Variants in USH1C observed in about 807,000 individuals in gnomAD.
USH1C encodes the protein harmonin.
A neutral mutation model predicts 119.3 loss-of-function variants in USH1C; 90 were observed. The ratio of observed to expected loss-of-function variants is 0.75; its 90% CI spans 0.64 to 0.90. USH1C has a LOEUF of 0.90. USH1C is among the 40% of genes least tolerant of loss of function. USH1C has a pLI of 0.00. For synonymous variants in USH1C, 465 were observed against 443.3 expected, an observed-to-expected ratio of 1.05 and a Z score of -0.62; for missense variants, 1,165 against 1,167.7, an observed-to-expected ratio of 1.00 and a Z score of 0.03.
Position 17,531,002 on chromosome 11 carries a change from A to G in USH1C, c.387+152T>C. The G allele has an allele frequency of 8.1e-7, 1 of 1,232,186 alleles. No homozygotes were observed. The highest frequency in any genetic ancestry group is 2.5e-5 in the East Asian group (1 of 39,470). The allele number at this position is 1,232,186 out of a possible 1,614,324, so 76.3% of individuals were successfully genotyped here. On this transcript the variant is annotated intron_variant, in intron 4 of 26. Transcript: ENST00000005226. This position sits in a 1 kb window ranked among gnomAD's most constrained non-coding sequence, Gnocchi z 4.2. Reference sequence around the variant, plus strand: ...CTGCGGCCTGATTTCTATGAGCCTAAGAACACCCATCAGGATGCGCCAGCC... The same window carrying G: ...CTGCGGCCTGATTTCTATGAGCCTAGGAACACCCATCAGGATGCGCCAGCC...
chr11:17,499,431 T>C (rs1024729094), intron 23 of USH1C, among the ~76,000 whole-genome samples: 3 of 152,202 alleles, frequency 2.0e-5, no homozygotes, highest in African/African-American at 7.2e-5. Flanking sequence ...GACTTTCACC[T>C]TTTCATTTTG....
At chr11:17,505,309 G>GCA (rs964268738) in intron 19 of USH1C, among the ~76,000 whole-genome samples, 2 of 152,280 alleles carry the variant, frequency 1.3e-5, no homozygotes, top group African/African-American at 4.8e-5. Context: ...AGGCCTTAGG[G>GCA]CAGGGGCCAG....
chr11:17,530,414 A>G lies in USH1C; in HGVS notation c.387+740T>C, dbSNP rs1484442764. On this transcript the variant is annotated intron_variant, in intron 4 of 26. Transcript: ENST00000005226. ...GTTAGTTTCTAATCCTGGCTCTGCC[A>G]CTTACTGGCCTCTGAGCCTCTATTA... Among the ~76,000 whole-genome samples the G allele has an allele frequency of 2.0e-5, 3 of 152,212 alleles. No homozygotes were observed. In the East Asian group the frequency reaches 5.8e-4, roughly 29 times the overall value.
intron 1 of USH1C, among the ~76,000 whole-genome samples, chr11:17,534,322 C>A (rs1055102817): frequency 6.6e-5 from 10 of 152,246 alleles, no homozygotes; most frequent in Non-Finnish European, 1.0e-4. Context: ...AAGACCGGGG[C>A]AGTCTGTCCG....
intron 24 of USH1C, 127 bp downstream of exon 24, chr11:17,498,035 C>T (rs772023544): frequency 6.4e-6 from 5 of 777,844 alleles, no homozygotes; most frequent in Non-Finnish European, 8.9e-6. Flanking sequence ...ATGGTGTCAC[C>T]AAAGTGTTGC....
At chr11:17,540,015 A>G (rs553149112) in intron 1 of USH1C, among the ~76,000 whole-genome samples, 1 of 151,698 alleles carries the variant, frequency 6.6e-6, no homozygotes, top group East Asian at 1.9e-4. Context: ...TATTTTTTGT[A>G]GAGATGGGGT....
chr11:17,497,317 T>C (rs2133769912), intron 24 of USH1C, among the ~76,000 whole-genome samples: 1 of 152,258 alleles, frequency 6.6e-6, no homozygotes, highest in Middle Eastern at 3.4e-3. Flanking sequence ...TTGGCTTAGG[T>C]GTATCCCCTG....
Position 17,509,752 on chromosome 11 carries a change from G to A in USH1C, c.1617C>T (p.His539=). ...LRRFAGGLHL[H]TTDLDDIPLD... Reference sequence around the variant, plus strand: ...AAGGGATGTCGTCCAGGTCAGTGGTGTGCAGGTGCAGTCCGCCTGCGAAGC... The same window carrying A: ...AAGGGATGTCGTCCAGGTCAGTGGTATGCAGGTGCAGTCCGCCTGCGAAGC... The change falls in exon 18 of 27, where the codon CAC becomes CAT. Residue 539 remains histidine, a synonymous_variant. Coordinates refer to ENST00000005226, the MANE Select transcript of USH1C (RefSeq NM_153676.4). 2 of 1,602,156 alleles carry A rather than the reference G, an allele frequency of 1.2e-6. No individual in the cohort carries two copies. The highest frequency in any genetic ancestry group is 1.7e-6 in the Non-Finnish European group (2 of 1,179,754).
At chr11:17,516,143 A>C (rs1850133298) in intron 15 of USH1C, 98 bp downstream of exon 15, 1 of 1,352,484 alleles carries the variant, frequency 7.4e-7, no homozygotes, top group Non-Finnish European at 1.0e-6. Flanking sequence ...AGGCCAAGTC[A>C]CACCATTTAG....
intron 1 of USH1C, among the ~76,000 whole-genome samples, chr11:17,543,682 C>G (rs1316223185): frequency 6.6e-6 from 1 of 152,194 alleles, no homozygotes; most frequent in South Asian, 2.1e-4. Flanking sequence ...GGCCAGAGCC[C>G]AGCTCCGACG....
In USH1C at chr11:17,500,904, C is replaced by T. The variant is rs906689820; in HGVS notation, c.2380+147G>A. ...CCATCCCATGCCCCCAGGGATTGGACAGGCAGTCGGATGGATGGACCCGAG... is the reference window on the plus strand; with the variant it reads ...CCATCCCATGCCCCCAGGGATTGGATAGGCAGTCGGATGGATGGACCCGAG... On this transcript the variant is annotated intron_variant, in intron 23 of 26. Transcript: ENST00000005226. The T allele has an allele frequency of 1.5e-5, 11 of 723,354 alleles. No individual in the cohort carries two copies. In the Admixed American group the frequency reaches 1.8e-4, roughly 12 times the overall value. 44.8% of individuals were successfully genotyped at this position (723,354 alleles called of 1,614,324 possible). A position where few individuals can be genotyped will look rare whatever the true frequency, so the allele number is the denominator to read the frequency against.
chr11:17,514,635 A>C (rs1288896997), intron 15 of USH1C: 1 of 152,152 alleles, frequency 6.6e-6, no homozygotes, highest in Non-Finnish European at 1.5e-5. Flanking sequence ...CTCTAGAAAA[A>C]ATGATGACGG....
intron 15 of USH1C, among the ~76,000 whole-genome samples, chr11:17,516,034 C>A (rs1167817254): frequency 2.0e-5 from 3 of 152,250 alleles, no homozygotes; most frequent in African/African-American, 7.2e-5. Context: ...AGGTCTCACA[C>A]CATGGATCCC....
Position 17,521,144 on chromosome 11 carries a change from T to C in USH1C, c.1086-150A>G. ...AAGTCCCCGAGCTTGTATTCTAAAT[T>C]GAGTGTGAACCCCACCTTGGCAATT... is the stretch of plus-strand genomic sequence containing the variant. On this transcript the variant is annotated intron_variant, in intron 13 of 26. Transcript: ENST00000005226. The C allele has an allele frequency of 9.1e-6, 11 of 1,209,242 alleles. No homozygotes were observed. The Middle Eastern group carries it at 5.8e-4, about 63-fold the overall frequency. 74.9% of individuals were successfully genotyped at this position (1,209,242 alleles called of 1,614,324 possible). A position where few individuals can be genotyped will look rare whatever the true frequency, so the allele number is the denominator to read the frequency against.
At chr11:17,539,519 G>A (rs987659417) in intron 1 of USH1C, among the ~76,000 whole-genome samples, 4 of 152,226 alleles carry the variant, frequency 2.6e-5, no homozygotes, top group Admixed American at 1.3e-4. Context: ...TCAGAACAGT[G>A]CCTGGCAGGT....
At chr11:17,506,024 C>A in intron 18 of USH1C, 75 bp from the exon 19 acceptor site, 1 of 1,605,770 alleles carries the variant, frequency 6.2e-7, no homozygotes, top group South Asian at 1.1e-5. Context: ...TACTTCTACA[C>A]ACATGCAAAT....
chr11:17,525,619 T>C (rs966544613), intron 8 of USH1C, among the ~76,000 whole-genome samples: 3 of 152,212 alleles, frequency 2.0e-5, no homozygotes, highest in African/African-American at 7.2e-5. Context: ...AACTGGGATC[T>C]GAGTAACGGT....
At position 17,494,390 on chromosome 11, in the gene USH1C, G is replaced by A. The variant is rs1470197627; in HGVS notation, c.2656-14C>T. 7 of 1,591,888 alleles carry A rather than the reference G, an allele frequency of 4.4e-6. No individual in the cohort carries two copies. The highest frequency in any genetic ancestry group is 4.3e-6 in the Non-Finnish European group (5 of 1,168,384). ...CAGAAGAAGGTCCTGCAGGGAAGTG[G>A]AAACAGCCCAGGTGGATACAGGCTT... On this transcript the variant is annotated splice_polypyrimidine_tract_variant and intron_variant, in intron 26 of 26. Coordinates refer to ENST00000005226, the MANE Select transcript of USH1C (RefSeq NM_153676.4).
At chr11:17,533,482 C>T (rs1851089223) in intron 1 of USH1C, 160 bp from the exon 2 acceptor site, 2 of 693,408 alleles carry the variant, frequency 2.9e-6, no homozygotes, top group Non-Finnish European at 5.2e-6. Context: ...GCCCCTCTGA[C>T]CCCAATGCAT....
Sources: allele counts gnomAD v4.1 joint callset (sites outside exome capture counted in the v4.1 genomes callset), GRCh38; gene constraint gnomAD v4.1.1; non-coding constraint Gnocchi (gnomAD v3.1); transcripts MANE v1.5; gene names NCBI Gene and HGNC (gene_info 2026-07-23, HGNC 2026-07-21).